FBXL13: variants seen among roughly 807,000 people sequenced by gnomAD.
The protein encoded by FBXL13 is F-box and leucine-rich repeat protein 13.
A neutral mutation model predicts 83.6 loss-of-function variants in FBXL13; 67 were observed. The observed-to-expected ratio is 0.80, with a 90% confidence interval of 0.66 to 0.98. The LOEUF (loss-of-function observed/expected upper bound fraction) is 0.98, where lower values mean the gene tolerates loss of function less well. Among genes scored for constraint, FBXL13 ranks in the 50% least tolerant of loss-of-function variants. The probability of loss-of-function intolerance (pLI) is 0.00; values close to 1 mark genes in which losing one functional copy is unlikely to be tolerated. For synonymous variants in FBXL13, 272 were observed against 299.5 expected, an observed-to-expected ratio of 0.91 and a Z score of 0.95; for missense variants, 822 against 866.5, an observed-to-expected ratio of 0.95 and a Z score of 0.64.
chr7:102,975,080 G>A (rs2129482764), intron 6 of FBXL13, among the ~76,000 whole-genome samples: 1 of 152,092 alleles, frequency 6.6e-6, no homozygotes, highest in Non-Finnish European at 1.5e-5. Context: ...CCACTTTCAG[G>A]TTCTTCCTTC....
Position 103,045,740 on chromosome 7 carries a change from A to G in FBXL13, c.-1+9904T>C, listed in dbSNP as rs189416247. 2.0e-4 allele frequency among the ~76,000 whole-genome samples: 30 copies of G among 152,324 alleles called. No individual in the cohort carries two copies. In the East Asian group the frequency reaches 4.6e-3, roughly 24 times the overall value. ...GGGCCTAGTGAATGAGCTTAGTCCA[A>G]AACAGTGGCCTCCCACAACTTTGTT... On this transcript the variant is annotated intron_variant, in intron 2 of 19. Coordinates refer to ENST00000313221, the Ensembl canonical transcript of FBXL13.
intron 8 of FBXL13, among the ~76,000 whole-genome samples, chr7:102,957,018 G>A (rs761243189): frequency 4.6e-5 from 7 of 152,122 alleles, no homozygotes; most frequent in Non-Finnish European, 1.0e-4. Flanking sequence ...TTTCTTCACA[G>A]AATTGGAAAA....
intron 8 of FBXL13, among the ~76,000 whole-genome samples, chr7:102,950,450 C>T (rs905334935): frequency 6.6e-6 from 1 of 152,190 alleles, no homozygotes; most frequent in African/African-American, 2.4e-5. Flanking sequence ...GACAGTTTGG[C>T]ACTTTCTTAC....
At chr7:102,927,554 C>G (rs1195300868) in intron 9 of FBXL13, among the ~76,000 whole-genome samples, 1 of 152,140 alleles carries the variant, frequency 6.6e-6, no homozygotes, top group Non-Finnish European at 1.5e-5. Flanking sequence ...ATCTGTCACA[C>G]TCAGATAGGA....
chr7:103,041,713 G>A (rs988645742), intron 2 of FBXL13, among the ~76,000 whole-genome samples: 4 of 152,180 alleles, frequency 2.6e-5, no homozygotes, highest in African/African-American at 9.7e-5. Context: ...CAGAACCAAT[G>A]ACAAAAACCA....
At chr7:102,919,738 T>C (rs1454405018) in intron 10 of FBXL13, among the ~76,000 whole-genome samples, 4 of 152,174 alleles carry the variant, frequency 2.6e-5, no homozygotes, top group African/African-American at 9.7e-5. Context: ...TGAAGAGAAG[T>C]TTCTGTTTAT....
chr7:103,071,923 C>T (rs1402987913), intron 1 of FBXL13, among the ~76,000 whole-genome samples: 1 of 152,060 alleles, frequency 6.6e-6, no homozygotes, highest in African/African-American at 2.4e-5. Flanking sequence ...TGGGTCATGC[C>T]TGTAATCTCA....
At chr7:103,017,801 A>G (rs777360437) in intron 6 of FBXL13, among the ~76,000 whole-genome samples, 38 of 152,338 alleles carry the variant, frequency 2.5e-4, no homozygotes, top group Non-Finnish European at 4.7e-4. Context: ...AAATGAACAA[A>G]GCCTCCAAGA....
At chr7:103,052,841 C>T (rs1290704526) in intron 2 of FBXL13, among the ~76,000 whole-genome samples, 1 of 151,378 alleles carries the variant, frequency 6.6e-6, no homozygotes, top group Admixed American at 6.6e-5. Context: ...ACTGCAACCT[C>T]CGCCTCCCAG....
chr7:102,832,099 G>T (rs1800812190), intron 18 of FBXL13, among the ~76,000 whole-genome samples: 1 of 152,160 alleles, frequency 6.6e-6, no homozygotes, highest in Non-Finnish European at 1.5e-5. Flanking sequence ...ACCAGCGATG[G>T]TTATGTCCAG....
intron 11 of FBXL13, among the ~76,000 whole-genome samples, chr7:102,899,348 C>A (rs551095151): frequency 6.6e-6 from 1 of 152,348 alleles, no homozygotes; most frequent in South Asian, 2.1e-4. Context: ...TGAATGGTGT[C>A]TTCAATCGCA....
intron 1 of FBXL13, among the ~76,000 whole-genome samples, chr7:103,057,298 C>T (rs1230575688): frequency 5.3e-5 from 8 of 151,926 alleles, no homozygotes; most frequent in Non-Finnish European, 8.8e-5. Context: ...GTCACTGTAC[C>T]GTGAGGGTTT....
intron 6 of FBXL13, among the ~76,000 whole-genome samples, chr7:102,989,357 C>T (rs1051486173): frequency 2.6e-5 from 4 of 152,210 alleles, no homozygotes; most frequent in African/African-American, 9.6e-5. Context: ...ACAGACTCTC[C>T]AGCACAGAAA....
chr7:103,072,965 T>C (rs1799124270), intron 1 of FBXL13, among the ~76,000 whole-genome samples: 1 of 152,224 alleles, frequency 6.6e-6, no homozygotes, highest in Admixed American at 6.5e-5. Flanking sequence ...CTACATCTGA[T>C]TTACTGACTG....
chr7:103,026,063 C>A (rs971092230), intron 5 of FBXL13, among the ~76,000 whole-genome samples: 3 of 151,508 alleles, frequency 2.0e-5, no homozygotes, highest in Admixed American at 6.6e-5. Flanking sequence ...TATATATCAA[C>A]CACTGTGTGC....
intron 16 of FBXL13, among the ~76,000 whole-genome samples, chr7:102,871,311 G>C (rs1808496485): frequency 6.6e-6 from 1 of 151,760 alleles, no homozygotes; most frequent in African/African-American, 2.4e-5. Flanking sequence ...CTCAAAACCT[G>C]TTATTTCTCC....
chr7:102,854,010 C>A lies in FBXL13; in HGVS notation c.1719+767G>T, dbSNP rs1232576839. Among the ~76,000 whole-genome samples the A allele has an allele frequency of 2.0e-5, 3 of 152,252 alleles. No individual in the cohort carries two copies. The East Asian group carries it at 5.8e-4, about 29-fold the overall frequency. On this transcript the variant is annotated intron_variant, in intron 17 of 19. Coordinates refer to ENST00000313221, the Ensembl canonical transcript of FBXL13. ...TAGAAATACCATTTGACCCAGCCAT[C>A]CCATTACTGGGTATATACCCAAAGG...
intron 6 of FBXL13, among the ~76,000 whole-genome samples, chr7:103,000,385 A>T (rs914421775): frequency 1.3e-5 from 2 of 152,228 alleles, no homozygotes. Flanking sequence ...TTTTTAAAAA[A>T]CAATAAAAAA....
chr7:102,832,844 G>C (rs1800962742), exon 18 of FBXL13: 1 of 1,614,028 alleles, frequency 6.2e-7, no homozygotes, highest in Non-Finnish European at 8.5e-7. Flanking sequence ...ACATACCTTT[G>C]GACAGCCAGC....
Sources: gnomAD v4.1 joint callset for allele counts (sites outside exome capture counted in the v4.1 genomes callset) on GRCh38, gnomAD v4.1.1 for gene constraint, MANE v1.5 for transcripts, NCBI Gene and HGNC (gene_info 2026-07-23, HGNC 2026-07-21) for gene names.